ELP3: variants seen among roughly 807,000 people sequenced by gnomAD.
ELP3 encodes elongator complex protein 3.
In ELP3, 56 loss-of-function variants were observed where a neutral mutation model predicts 74.9. The observed-to-expected ratio is 0.75, with a 90% CI of 0.60 to 0.93. The LOEUF is 0.93. Among genes scored for constraint, ELP3 ranks in the 40% least tolerant of loss-of-function variants. The pLI, the probability that ELP3 is intolerant of heterozygous loss-of-function variation, is 0.00. For synonymous variants in ELP3, 222 were observed against 239.8 expected, an observed-to-expected ratio of 0.93 and a Z score of 0.68; for missense variants, 573 against 686.5, an observed-to-expected ratio of 0.83 and a Z score of 1.85.
chr8:28,126,559 C>T (rs989721754), intron 7 of ELP3, among the ~76,000 whole-genome samples: 8 of 152,150 alleles, frequency 5.3e-5, no homozygotes, highest in African/African-American at 1.9e-4. Flanking sequence ...CCTTGTCTCT[C>T]GAGAAGTTGA....
intron 14 of ELP3, among the ~76,000 whole-genome samples, chr8:28,175,779 T>G (rs1279288586): frequency 6.6e-6 from 1 of 151,148 alleles, no homozygotes; most frequent in Non-Finnish European, 1.5e-5. Flanking sequence ...GAGTTGCTTT[T>G]GAGGTCTGTA....
Position 28,137,727 on chromosome 8 carries a change from C to T in ELP3, c.936C>T (p.Pro312=), listed in dbSNP as rs201320925. Residue 312 remains proline (P), a synonymous_variant, in exon 10 of 15, where the codon CCC becomes CCT. Coordinates refer to ENST00000256398, the MANE Select transcript of ELP3 (RefSeq NM_018091.6). Reference sequence around the variant, plus strand: ...TTTTTGAGAACCCTGCTTTTCGTCCCGATGGGCTGAAACTCTATCCTACCC... The same window carrying T: ...TTTTTGAGAACCCTGCTTTTCGTCCTGATGGGCTGAAACTCTATCCTACCC... The part of the protein sequence containing the change: ...TEFFENPAFR[P]DGLKLYPTLV... 1.9e-5 allele frequency: 30 copies of T among 1,613,042 alleles called. No individual in the cohort carries two copies. In the African/African-American group the frequency reaches 2.8e-4, roughly 15 times the overall value.
At chr8:28,104,229 T>C (rs1448689092) in intron 3 of ELP3, among the ~76,000 whole-genome samples, 1 of 152,264 alleles carries the variant, frequency 6.6e-6, no homozygotes, top group African/African-American at 2.4e-5. Context: ...AAGAGTTCTT[T>C]GTATATCTTA....
chr8:28,093,618 T>C (rs1403591501), intron 1 of ELP3: 2 of 232,100 alleles, frequency 8.6e-6, no homozygotes, highest in Non-Finnish European at 1.7e-5. Flanking sequence ...TTTTAAGATA[T>C]TAAAAAAACC....
chr8:28,126,619 G>A (rs966851997), intron 7 of ELP3, among the ~76,000 whole-genome samples: 1 of 152,196 alleles, frequency 6.6e-6, no homozygotes, highest in Admixed American at 6.5e-5. Context: ...AGGTATGGGA[G>A]TTGAACTAGG....
In ELP3 at chr8:28,142,310, T is replaced by C. The variant is rs3757891; in HGVS notation, c.1100+4419T>C. On this transcript the variant is annotated intron_variant, in intron 10 of 14. Transcript: ENST00000256398. ...CTGGCTGTTCTCAGTTCTTCTGATA[T>C]GACCCCGTTACACTTATCCTATGGA... Among the ~76,000 whole-genome samples the C allele has an allele frequency of 7.7e-4, 118 of 152,344 alleles. 1 individual carries two copies. In the East Asian group the frequency reaches 0.017, roughly 22 times the overall value.
At position 28,128,776 on chromosome 8, in the gene ELP3, G is replaced by A. The variant is rs189473017; in HGVS notation, c.618-726G>A. On this transcript the variant is annotated intron_variant, in intron 7 of 14. Transcript: ENST00000256398. Reference sequence around the variant, plus strand: ...TTGGCCCACAACAGCCTCTGTAAATGTGAGCTCCTGTCGCCTCACTTCACT... The same window carrying A: ...TTGGCCCACAACAGCCTCTGTAAATATGAGCTCCTGTCGCCTCACTTCACT... Among the ~76,000 whole-genome samples, 11 of 152,294 alleles carry A rather than the reference G, an allele frequency of 7.2e-5. No homozygotes were observed. In the East Asian group the frequency reaches 9.7e-4, roughly 13 times the overall value.
chr8:28,098,970 A>G (rs1022264001), intron 2 of ELP3, among the ~76,000 whole-genome samples: 1 of 152,208 alleles, frequency 6.6e-6, no homozygotes, highest in African/African-American at 2.4e-5. Context: ...TCATTTATAC[A>G]TTAATTTTCT....
chr8:28,119,922 A>G (rs1224500882), intron 7 of ELP3, among the ~76,000 whole-genome samples: 1 of 151,966 alleles, frequency 6.6e-6, no homozygotes, highest in East Asian at 1.9e-4. Flanking sequence ...GTGTTGGGTG[A>G]TTCATTAGTT....
At chr8:28,123,125 A>G (rs1379556268) in intron 7 of ELP3, among the ~76,000 whole-genome samples, 3 of 152,194 alleles carry the variant, frequency 2.0e-5, no homozygotes, top group Non-Finnish European at 2.9e-5. Flanking sequence ...CTCCTTCTCA[A>G]AAAAAGAGAA....
intron 6 of ELP3, chr8:28,110,689 A>G: frequency 2.7e-6 from 1 of 366,938 alleles, no homozygotes. Context: ...ATTTGTAGAA[A>G]GTCATTTGTA....
intron 7 of ELP3, among the ~76,000 whole-genome samples, chr8:28,115,940 C>T (rs189204026): frequency 6.6e-6 from 1 of 152,250 alleles, no homozygotes; most frequent in East Asian, 1.9e-4. Context: ...TAAGGTTGTT[C>T]AAATAGTGCC....
At chr8:28,132,542 T>C in intron 9 of ELP3, 138 bp downstream of exon 9, 1 of 1,143,368 alleles carries the variant, frequency 8.7e-7, no homozygotes. Context: ...AGAAACACAG[T>C]AGGGTAAGAG....
At chr8:28,186,857 C>T (rs1815259134) in intron 14 of ELP3, among the ~76,000 whole-genome samples, 1 of 152,206 alleles carries the variant, frequency 6.6e-6, no homozygotes, top group African/African-American at 2.4e-5. Flanking sequence ...CCCCACCTCT[C>T]AGTAATAGGG....
chr8:28,172,142 A>G (rs58779798), intron 14 of ELP3, among the ~76,000 whole-genome samples: 1,564 of 152,144 alleles, frequency 0.01, 26 homozygotes, highest in African/African-American at 0.035. Context: ...GGTTCCTTCA[A>G]ATTCCATATG....
chr8:28,108,947 A>G (rs1281117178), intron 5 of ELP3, among the ~76,000 whole-genome samples: 1 of 152,146 alleles, frequency 6.6e-6, no homozygotes, highest in Non-Finnish European at 1.5e-5. Context: ...AGAAGGACCT[A>G]GTCCTAAGAA....
At chr8:28,102,996 C>G (rs948715553) in intron 3 of ELP3, among the ~76,000 whole-genome samples, 2 of 151,912 alleles carry the variant, frequency 1.3e-5, no homozygotes, top group African/African-American at 4.8e-5. Flanking sequence ...ATGGTGAAAC[C>G]CTGTCTCTAC....
chr8:28,184,208 T>C (rs2130617075), intron 14 of ELP3, among the ~76,000 whole-genome samples: 1 of 152,248 alleles, frequency 6.6e-6, no homozygotes, highest in Non-Finnish European at 1.5e-5. Flanking sequence ...GCTCTTTAGG[T>C]GAGCAGAGGT....
chr8:28,103,098 A>T (rs1455799072), intron 3 of ELP3, among the ~76,000 whole-genome samples: 1 of 152,202 alleles, frequency 6.6e-6, no homozygotes, highest in East Asian at 1.9e-4. Flanking sequence ...TGAACCCAGG[A>T]GGCAGAGGTT....
Sources: gnomAD v4.1 joint callset for allele counts (sites outside exome capture counted in the v4.1 genomes callset) on GRCh38, gnomAD v4.1.1 for gene constraint, MANE v1.5 for transcripts, NCBI Gene and HGNC (gene_info 2026-07-23, HGNC 2026-07-21) for gene names.